DIAPH2: variants seen among roughly 807,000 people sequenced by gnomAD.
The protein encoded by DIAPH2 is diaphanous related formin 2.
A neutral mutation model predicts 92.7 loss-of-function variants in DIAPH2; 35 were observed. That is an observed-to-expected ratio of 0.38 (90% CI 0.29 to 0.50). DIAPH2 has a LOEUF of 0.50. Ranked by LOEUF, DIAPH2 falls within the 20% of genes least tolerant of loss-of-function variation. DIAPH2 has a pLI of 0.94. For synonymous variants in DIAPH2, 301 were observed against 280.4 expected (o/e 1.07, Z -0.73); for missense variants, 701 against 819.5 (o/e 0.86, Z 1.77).
intron 17 of DIAPH2, among the ~76,000 whole-genome samples, chrX:97,058,710 C>T (rs923049989): frequency 6.3e-5 from 7 of 110,858 alleles, no homozygotes; most frequent in African/African-American, 2.3e-4. Context: ...AAGATCATCA[C>T]TTTCACATTT....
At chrX:96,895,097 G>C (rs1185487556) in intron 5 of DIAPH2, among the ~76,000 whole-genome samples, 1 of 106,563 alleles carries the variant, frequency 9.4e-6, no homozygotes, top group Non-Finnish European at 1.9e-5. Context: ...TCTGCCTCCT[G>C]GGTTCAAGCG....
intron 17 of DIAPH2, among the ~76,000 whole-genome samples, chrX:97,011,307 G>A (rs775083754): frequency 5.4e-5 from 6 of 111,656 alleles, no homozygotes; most frequent in East Asian, 2.8e-4. Flanking sequence ...GTCCTTGCTC[G>A]CTTCATTTGT....
At position 97,033,069 on chromosome X, in the gene DIAPH2, A is replaced by G. The variant is rs1421420170; in HGVS notation, c.2051-39872A>G. 4.5e-5 allele frequency among the ~76,000 whole-genome samples: 5 copies of G among 111,549 alleles called. No homozygotes were observed. In the Admixed American group the frequency reaches 4.7e-4, roughly 11 times the overall value. ...TGGATTCTGTATTTTGAAAGTCTCA[A>G]ATTCACTGCCAGCCATCTACAAAGA... On this transcript the variant is annotated intron_variant, in intron 17 of 26. Coordinates refer to ENST00000324765, the MANE Select transcript of DIAPH2 (RefSeq NM_006729.5).
intron 4 of DIAPH2, among the ~76,000 whole-genome samples, chrX:96,830,454 C>T (rs2064845142): frequency 1.9e-5 from 2 of 106,381 alleles, no homozygotes; most frequent in African/African-American, 6.8e-5. Flanking sequence ...GCCTGTAGTC[C>T]CAGCTACTTG....
rs1360014126 is a variant in DIAPH2 at position 97,157,336 on chromosome X, T to A, written c.2719+15542T>A. Reference sequence around the variant, plus strand: ...TCTCAAAATAATAATAATAATAATATAATAATAATAATAATAATGATTATA... The same window carrying A: ...TCTCAAAATAATAATAATAATAATAAAATAATAATAATAATAATGATTATA... On this transcript the variant is annotated intron_variant, in intron 22 of 26. Transcript: ENST00000324765. Among the ~76,000 whole-genome samples, 215 of 43,344 alleles carry A rather than the reference T, an allele frequency of 5.0e-3. 2 individuals are homozygous for A. The highest frequency in any genetic ancestry group is 8.9e-3 in the African/African-American group (208 of 23,257). The allele number at this position is 43,344 out of a possible 115,157, so 37.6% of individuals were successfully genotyped here. A position where few individuals can be genotyped will look rare whatever the true frequency, so the allele number is the denominator to read the frequency against.
chrX:97,292,405 C>A (rs1276293997), intron 23 of DIAPH2, among the ~76,000 whole-genome samples: 2 of 111,486 alleles, frequency 1.8e-5, no homozygotes, highest in Admixed American at 9.6e-5. Flanking sequence ...TTACAGAGAT[C>A]CACATGATGA....
At chrX:97,072,702 A>C (rs2066677319) in intron 17 of DIAPH2, among the ~76,000 whole-genome samples, 4 of 111,289 alleles carry the variant, frequency 3.6e-5, no homozygotes, top group Admixed American at 2.9e-4. Context: ...AGAAGGAGCA[A>C]TTGATTTTTG....
chrX:97,568,484 T>C (rs183956666), intron 26 of DIAPH2, among the ~76,000 whole-genome samples: 90 of 111,819 alleles, frequency 8.0e-4, no homozygotes, highest in African/African-American at 2.9e-3. Context: ...AACTCATCAC[T>C]TAACATTATG....
At chrX:97,215,159 T>C (rs1295799960) in intron 22 of DIAPH2, among the ~76,000 whole-genome samples, 1 of 111,674 alleles carries the variant, frequency 9.0e-6, no homozygotes, top group Non-Finnish European at 1.9e-5. Context: ...AATGATCTCA[T>C]CAAATCTGTC....
At chrX:97,569,104 C>T (rs976845311) in intron 26 of DIAPH2, among the ~76,000 whole-genome samples, 4 of 111,421 alleles carry the variant, frequency 3.6e-5, no homozygotes, top group African/African-American at 1.3e-4. Flanking sequence ...ATTAAAATAC[C>T]CAGCTCACTG....
chrX:97,392,450 G>A (rs1221017054), intron 25 of DIAPH2, among the ~76,000 whole-genome samples: 1 of 111,749 alleles, frequency 8.9e-6, no homozygotes, highest in Non-Finnish European at 1.9e-5. Flanking sequence ...ACATAATAGA[G>A]ATTATTTGCT....
At position 97,114,793 on chromosome X, in the gene DIAPH2, A is replaced by G; in HGVS notation, c.2417A>G (p.His806Arg). ...SILFKLTFEE[H>R]INNIKPSIIA... is the part of the protein sequence containing the mutation. ...CTGTTCAAGCTCACATTTGAAGAAC[A>G]CATAAACAACATCAAACCAAGCATC... The change falls in exon 21 of 27, where the codon CAC (histidine) becomes CGC (arginine). Residue 806 changes from histidine to arginine, a missense_variant. By Grantham distance (29) the His-to-Arg change is conservative (BLOSUM62 0). This residue lies in a region of DIAPH2 where 536 missense variants were observed against 599.3 expected (regional missense o/e 0.89). Coordinates refer to ENST00000324765, the MANE Select transcript of DIAPH2 (RefSeq NM_006729.5). The G allele has an allele frequency of 8.3e-7, 1 of 1,209,341 alleles. No homozygotes were observed. Among genetic ancestry groups the G allele is most frequent in the Non-Finnish European group, 1.1e-6 (1 of 894,646 alleles).
At chrX:97,415,631 C>G (rs1241455679) in intron 25 of DIAPH2, among the ~76,000 whole-genome samples, 2 of 104,322 alleles carry the variant, frequency 1.9e-5, no homozygotes, top group Admixed American at 2.1e-4. Context: ...CATGTTCTCA[C>G]TCATAGGTGG....
At chrX:97,241,705 A>G (rs1009116862) in intron 22 of DIAPH2, among the ~76,000 whole-genome samples, 4 of 110,252 alleles carry the variant, frequency 3.6e-5, no homozygotes, top group Non-Finnish European at 7.6e-5. Context: ...TAAAATAGGT[A>G]GTAGACTTGA....
At chrX:97,206,280 C>A (rs2067795462) in intron 22 of DIAPH2, among the ~76,000 whole-genome samples, 1 of 111,286 alleles carries the variant, frequency 9.0e-6, no homozygotes, top group Non-Finnish European at 1.9e-5. Flanking sequence ...ATGTGACAAA[C>A]CTGCACATTC....
chrX:97,261,428 T>C (rs1473970418), intron 23 of DIAPH2, among the ~76,000 whole-genome samples: 1 of 112,577 alleles, frequency 8.9e-6, no homozygotes, highest in East Asian at 2.8e-4. Flanking sequence ...TCCAAAACTC[T>C]CAATTTATGA....
intron 5 of DIAPH2, 122 bp downstream of exon 5, chrX:96,881,840 T>G (rs1228328529): frequency 1.7e-5 from 12 of 717,576 alleles, no homozygotes; most frequent in Non-Finnish European, 2.2e-5. Context: ...CTGATGTTAA[T>G]AAAACAGCAG....
chrX:97,253,973 A>T (rs12848793), intron 23 of DIAPH2, among the ~76,000 whole-genome samples: 46,589 of 110,501 alleles, frequency 0.42, 8,597 homozygotes, highest in Non-Finnish European at 0.58. Context: ...AGGCAATGGA[A>T]CATTACTAGA....
chrX:96,985,105 G>A (rs887878125), intron 17 of DIAPH2, among the ~76,000 whole-genome samples: 3 of 111,214 alleles, frequency 2.7e-5, no homozygotes, highest in Non-Finnish European at 5.7e-5. Context: ...TGTATAACTG[G>A]CAGTCTAGAT....
Sources: allele counts gnomAD v4.1 joint callset (sites outside exome capture counted in the v4.1 genomes callset), GRCh38; gene constraint gnomAD v4.1.1; regional missense constraint gnomAD v4.1.1; transcripts MANE v1.5; gene names NCBI Gene and HGNC (gene_info 2026-07-23, HGNC 2026-07-21).